Variants in ASCC3 observed in about 807,000 individuals in gnomAD.
ASCC3 encodes activating signal cointegrator 1 complex subunit 3.
A neutral mutation model predicts 256.3 loss-of-function variants in ASCC3; 158 were observed. The observed-to-expected ratio is 0.62, with a 90% CI of 0.54 to 0.70. The LOEUF (loss-of-function observed/expected upper bound fraction) is 0.70, where lower values mean the gene tolerates loss of function less well. Among genes scored for constraint, ASCC3 ranks in the 30% least tolerant of loss-of-function variants. The pLI, the probability that ASCC3 is intolerant of heterozygous loss-of-function variation, is 0.00. For synonymous variants in ASCC3, 948 were observed against 883.4 expected (o/e 1.07, Z -1.30); for missense variants, 2,259 against 2,626.0 (o/e 0.86, Z 3.05).
intron 36 of ASCC3, among the ~76,000 whole-genome samples, chr6:100,566,824 A>G (rs935950402): frequency 1.5e-5 from 2 of 135,800 alleles, no homozygotes; most frequent in African/African-American, 2.5e-5. Flanking sequence ...GCTCCATGTA[A>G]GGAAGGATAC....
chr6:100,578,677 T>C (rs1009621764), intron 36 of ASCC3, among the ~76,000 whole-genome samples: 5 of 152,054 alleles, frequency 3.3e-5, no homozygotes, highest in Non-Finnish European at 5.9e-5. Context: ...TTGACGGGCA[T>C]TTAGGTTGAT....
intron 33 of ASCC3, 63 bp downstream of exon 33, chr6:100,605,505 A>T: frequency 8.2e-7 from 1 of 1,223,226 alleles, no homozygotes; most frequent in Non-Finnish European, 1.2e-6. Context: ...AATAAAATAT[A>T]ACCAGAAAAA....
chr6:100,768,644 A>G (rs963907137), intron 8 of ASCC3, among the ~76,000 whole-genome samples: 2 of 152,198 alleles, frequency 1.3e-5, no homozygotes, highest in African/African-American at 4.8e-5. Context: ...AAAGATTTCA[A>G]TACCACTTCA....
intron 30 of ASCC3, among the ~76,000 whole-genome samples, chr6:100,614,940 A>G (rs1490103771): frequency 1.3e-5 from 2 of 152,086 alleles, no homozygotes; most frequent in African/African-American, 2.4e-5. Flanking sequence ...AACTATCTTC[A>G]TGATTGAGAA....
At chr6:100,632,367 AT>A (rs1240703373) in intron 25 of ASCC3, among the ~76,000 whole-genome samples, 1 of 152,070 alleles carries the variant, frequency 6.6e-6, no homozygotes, top group East Asian at 1.9e-4. Flanking sequence ...GACTGGAATA[AT>A]TAATATTGTT....
intron 2 of ASCC3, among the ~76,000 whole-genome samples, chr6:100,865,572 G>GA (rs1194702144): frequency 4.0e-5 from 6 of 151,128 alleles, no homozygotes; most frequent in Non-Finnish European, 5.9e-5. Flanking sequence ...TATCATTAGA[G>GA]AAAAAAAAAT....
At chr6:100,856,148 T>C (rs1002522830) in intron 3 of ASCC3, among the ~76,000 whole-genome samples, 22 of 152,332 alleles carry the variant, frequency 1.4e-4, no homozygotes, top group African/African-American at 5.0e-4. Context: ...CCTACCATTA[T>C]CAAGCTGCTG....
At chr6:100,595,560 T>G (rs991389885) in intron 34 of ASCC3, among the ~76,000 whole-genome samples, 3 of 152,034 alleles carry the variant, frequency 2.0e-5, no homozygotes, top group African/African-American at 7.2e-5. Flanking sequence ...ATAAAAAGGG[T>G]CATTTGAGTG....
At chr6:100,808,280 C>T (rs1023503702) in intron 4 of ASCC3, among the ~76,000 whole-genome samples, 2 of 105,132 alleles carry the variant, frequency 1.9e-5, no homozygotes, top group African/African-American at 8.0e-5. Context: ...TAAAATTATA[C>T]ATGGGTAAAA....
intron 13 of ASCC3, among the ~76,000 whole-genome samples, chr6:100,682,283 T>G (rs896243624): frequency 6.6e-6 from 1 of 152,138 alleles, no homozygotes; most frequent in Non-Finnish European, 1.5e-5. Context: ...CTGATAAAAC[T>G]GCCATGAAAA....
At chr6:100,873,407 G>A (rs1306504552) in intron 1 of ASCC3, among the ~76,000 whole-genome samples, 2 of 152,128 alleles carry the variant, frequency 1.3e-5, no homozygotes, top group African/African-American at 4.8e-5. Context: ...AGAATAGTCA[G>A]CGTTCCTGAG....
At chr6:100,842,328 AGT>A (rs145035868) in intron 4 of ASCC3, among the ~76,000 whole-genome samples, 2,501 of 152,302 alleles carry the variant, frequency 0.016, 68 homozygotes, top group African/African-American at 0.057. Flanking sequence ...AGGTTCTCAA[AGT>A]GTGAGCCAGA....
At chr6:100,764,092 T>A (rs759038016) in intron 10 of ASCC3, among the ~76,000 whole-genome samples, 16 of 152,356 alleles carry the variant, frequency 1.1e-4, no homozygotes, top group Admixed American at 2.6e-4. Flanking sequence ...TTAAATGTTA[T>A]CTCCCTTGTC....
Position 100,681,125 on chromosome 6 carries a change from T to C in ASCC3, c.2152-1373A>G, listed in dbSNP as rs150097491. ...AAGTGTTCCACATATGAGATGCTTA[T>C]TAAAATTCACAGTAAAATCTCAGAT... On this transcript the variant is annotated intron_variant, in intron 13 of 41. Transcript: ENST00000369162. Among the ~76,000 whole-genome samples the C allele has an allele frequency of 3.4e-3, 516 of 152,288 alleles. 7 individuals are homozygous for C. Among genetic ancestry groups the C allele is most frequent in the African/African-American group, 0.012 (502 of 41,572 alleles).
intron 1 of ASCC3, among the ~76,000 whole-genome samples, chr6:100,877,943 G>T (rs1168668898): frequency 1.3e-5 from 2 of 151,992 alleles, no homozygotes; most frequent in Non-Finnish European, 2.9e-5. Context: ...TTTTTCACTG[G>T]GAGTTCATCT....
chr6:100,690,613 A>G (rs1201436943), intron 13 of ASCC3, among the ~76,000 whole-genome samples: 1 of 152,194 alleles, frequency 6.6e-6, no homozygotes, highest in African/African-American at 2.4e-5. Context: ...GCACAAGAAG[A>G]CATAGGTAAA....
chr6:100,804,555 T>G (rs1188992929), intron 5 of ASCC3, among the ~76,000 whole-genome samples: 1 of 151,988 alleles, frequency 6.6e-6, no homozygotes, highest in Non-Finnish European at 1.5e-5. Flanking sequence ...ATAAGGAACC[T>G]AAATCAACAA....
chr6:100,510,862 T>G (rs965997690), intron 40 of ASCC3, among the ~76,000 whole-genome samples: 1 of 152,206 alleles, frequency 6.6e-6, no homozygotes, highest in African/African-American at 2.4e-5. Context: ...ATAGTAATAA[T>G]GATACATTCT....
At chr6:100,628,211 G>C (rs76977436) in intron 27 of ASCC3, among the ~76,000 whole-genome samples, 2 of 152,052 alleles carry the variant, frequency 1.3e-5, no homozygotes, top group Non-Finnish European at 2.9e-5. Context: ...TGGAAGTAGA[G>C]TAGAAACGTG....
Sources: gnomAD v4.1 joint callset for allele counts (sites outside exome capture counted in the v4.1 genomes callset) on GRCh38, gnomAD v4.1.1 for gene constraint, MANE v1.5 for transcripts, NCBI Gene and HGNC (gene_info 2026-07-23, HGNC 2026-07-21) for gene names.